Variants in FHDC1 observed in about 807,000 individuals in gnomAD.
The protein encoded by FHDC1 is FH2 domain containing 1, also known as FH2 domain-containing protein 1.
In FHDC1, 25 loss-of-function variants were observed where a neutral mutation model predicts 52.6. The ratio of observed to expected loss-of-function variants is 0.48; its 90% CI spans 0.35 to 0.66. The LOEUF (loss-of-function observed/expected upper bound fraction) is 0.66. FHDC1 is among the 30% of genes least tolerant of loss of function. The pLI is 0.01. For missense variants in FHDC1, 1,459 were observed against 1,452.8 expected, an observed-to-expected ratio of 1.00 and a Z score of -0.07; for synonymous variants, 616 against 581.5, an observed-to-expected ratio of 1.06 and a Z score of -0.85.
chr4:152,937,697 G>A (rs1326887266), intron 1 of FHDC1, among the ~76,000 whole-genome samples: 2 of 151,898 alleles, frequency 1.3e-5, no homozygotes, highest in African/African-American at 4.8e-5. Context: ...GCGCGTGTGG[G>A]CGTCGATCTC....
chr4:152,955,201 C>T (rs1381650250), intron 4 of FHDC1, among the ~76,000 whole-genome samples: 1 of 151,880 alleles, frequency 6.6e-6, no homozygotes, highest in East Asian at 1.9e-4. Flanking sequence ...ACATAATTAA[C>T]TCAAAGGTGG....
intron 1 of FHDC1, among the ~76,000 whole-genome samples, chr4:152,938,340 A>T (rs1195963412): frequency 6.6e-6 from 1 of 151,748 alleles, no homozygotes; most frequent in Non-Finnish European, 1.5e-5. Flanking sequence ...CTTACTGGGA[A>T]CGCGTTGTCC....
At chr4:152,931,121 T>C in the FHDC1 span, among the ~76,000 whole-genome samples, 1 of 152,072 alleles carries the variant, frequency 6.6e-6, no homozygotes, top group African/African-American at 2.4e-5. Context: ...CTTAGAAGGG[T>C]AAACAATTTG....
In FHDC1 at chr4:152,975,947, G is replaced by A; in HGVS notation, c.2656G>A (p.Ala886Thr). The change falls in exon 12 of 12, where the codon GCA (alanine) becomes ACA (threonine). Residue 886 changes from alanine to threonine, a missense_variant. Physicochemically the swap from Ala to Thr is moderately conservative, Grantham distance 58. Coordinates refer to ENST00000511601, the MANE Select transcript of FHDC1 (RefSeq NM_001371116.1). ...CGGGAGCGCCCGGCGGAGCCAGGGGGCAGTGGCCAAGTCTGTGCGGACCCT... is the reference window on the plus strand; with the variant it reads ...CGGGAGCGCCCGGCGGAGCCAGGGGACAGTGGCCAAGTCTGTGCGGACCCT... The part of the protein sequence containing the change: ...KPGSARRSQG[A>T]VAKSVRTLTA... 2.6e-6 allele frequency: 4 copies of A among 1,514,900 alleles called. No individual in the cohort carries two copies. Among genetic ancestry groups the A allele is most frequent in the Non-Finnish European group, 2.6e-6 (3 of 1,133,868 alleles). 93.8% of individuals were successfully genotyped at this position (1,514,900 alleles called of 1,614,324 possible).
the FHDC1 span, among the ~76,000 whole-genome samples, chr4:152,926,781 T>C: frequency 5.5e-3 from 833 of 150,658 alleles, 8 homozygotes; most frequent in African/African-American, 0.019. Flanking sequence ...TCAAGGCTGA[T>C]AGAGTTGGTC....
At chr4:152,925,638 A>G in the FHDC1 span, among the ~76,000 whole-genome samples, 1 of 152,166 alleles carries the variant, frequency 6.6e-6, no homozygotes, top group African/African-American at 2.4e-5. Flanking sequence ...GACTGAGCCC[A>G]CACTGAATCC....
the FHDC1 span, among the ~76,000 whole-genome samples, chr4:152,916,418 A>G: frequency 6.6e-6 from 1 of 152,172 alleles, no homozygotes; most frequent in Non-Finnish European, 1.5e-5. Flanking sequence ...ATTCATATGT[A>G]TTCACATATA....
In FHDC1 at chr4:152,972,360, C is replaced by T. The variant is rs566156448; in HGVS notation, c.1219-17C>T. On this transcript the variant is annotated splice_polypyrimidine_tract_variant and intron_variant, in intron 10 of 11. Transcript: ENST00000511601. ...GACAACGTTTACCTCAGTGTGTGTT[C>T]GTTTGTTTTTCCGCAGTTTGCCATA... 5.5e-5 allele frequency: 88 copies of T among 1,590,582 alleles called. No individual in the cohort carries two copies. The South Asian group carries it at 6.4e-4, about 12-fold the overall frequency.
rs1579107325 is a variant in FHDC1 at position 152,975,273 on chromosome 4, C to T, written c.1982C>T (p.Pro661Leu). The stretch of plus-strand genomic sequence containing the variant: ...GTGAGCCTGGGCTCAGCACAGTCCC[C>T]TCCTCTCTCGCCATTGGCTCTGGGA... ...EPVSLGSAQS[P>L]PLSPLALGIK... The change falls in exon 12 of 12, where the codon CCT becomes CTT. Residue 661 changes from proline (P) to leucine (L), a missense_variant. Physicochemically the swap from Pro to Leu is moderately conservative, Grantham distance 98. Around this residue, in one of 3 missense-constraint regions of FHDC1, gnomAD observed 939 missense variants for 854.5 expected, o/e 1.10. Coordinates refer to ENST00000511601, the MANE Select transcript of FHDC1 (RefSeq NM_001371116.1). 2 of 1,613,560 alleles carry T rather than the reference C, an allele frequency of 1.2e-6. No individual in the cohort carries two copies. Among genetic ancestry groups the T allele is most frequent in the East Asian group, 2.2e-5 (1 of 44,878 alleles).
chr4:152,922,224 A>C, the FHDC1 span, among the ~76,000 whole-genome samples: 15 of 152,210 alleles, frequency 9.9e-5, no homozygotes, highest in Non-Finnish European at 4.4e-5. Context: ...GAATACTACA[A>C]ACACCTCTAC....
chr4:152,924,078 A>C, the FHDC1 span, among the ~76,000 whole-genome samples: 2 of 150,802 alleles, frequency 1.3e-5, no homozygotes, highest in East Asian at 3.9e-4. Flanking sequence ...GCAACCTACA[A>C]AATGGGAGAA....
chr4:152,973,100 C>A (rs1460827690), intron 11 of FHDC1, among the ~76,000 whole-genome samples: 2 of 152,222 alleles, frequency 1.3e-5, no homozygotes, highest in Non-Finnish European at 2.9e-5. Flanking sequence ...AGACAGCTAC[C>A]TTTCTTGCCC....
chr4:152,965,102 T>C (rs934501290), intron 9 of FHDC1, 127 bp downstream of exon 9: 30 of 848,786 alleles, frequency 3.5e-5, no homozygotes, highest in Admixed American at 2.6e-4. Context: ...CAGACTGTCC[T>C]TCATTTGCTT....
Position 152,943,139 on chromosome 4 carries a change from C to G in FHDC1, c.82C>G (p.Gln28Glu), listed in dbSNP as rs904564676. The stretch of plus-strand genomic sequence containing the variant: ...CACAGCACCTGGATTCATGATTGGG[C>G]AGACACCTCCTCCAGCACCTCCTCC... ...IATAPGFMIGQTPPPAPPPPP... is the reference protein window; with the variant it reads ...IATAPGFMIGETPPPAPPPPP... Residue 28 changes from glutamine to glutamate, a missense_variant, in exon 2 of 12, where the codon CAG becomes GAG. Transcript: ENST00000511601. 1 of 1,613,982 alleles carries G rather than the reference C, an allele frequency of 6.2e-7. No homozygotes were observed. Among genetic ancestry groups the G allele is most frequent in the Admixed American group, 1.7e-5 (1 of 60,000 alleles).
the FHDC1 span, among the ~76,000 whole-genome samples, chr4:152,925,871 A>AGGAGAAGGAGGAGGAGGAGGAGGAG: frequency 1.8e-5 from 1 of 55,788 alleles, no homozygotes; most frequent in African/African-American, 4.6e-5. Flanking sequence ...GAGAAGAAGG[A>AGGAGAAGGAGGAGGAGGAGGAGGAG]GGAGAAGGAG....
At position 152,964,928 on chromosome 4, in the gene FHDC1, T is replaced by C. The variant is rs765944594; in HGVS notation, c.1053T>C (p.Ile351=). The part of the protein sequence containing the change: ...VAQEAQKKDT[I]LLNFSEKLHH... ...AGGAAGCCCAAAAGAAAGATACCATTCTTCTAAACTTTTCAGAAAAATTGC... is the reference window on the plus strand; with the variant it reads ...AGGAAGCCCAAAAGAAAGATACCATCCTTCTAAACTTTTCAGAAAAATTGC... The change falls in exon 9 of 12, where the codon ATT becomes ATC. Residue 351 remains isoleucine (I), a synonymous_variant. Coordinates refer to ENST00000511601, the MANE Select transcript of FHDC1 (RefSeq NM_001371116.1). The C allele has an allele frequency of 6.2e-7, 1 of 1,612,260 alleles. No homozygotes were observed. The highest frequency in any genetic ancestry group is 1.7e-5 in the Admixed American group (1 of 59,744).
Position 152,972,440 on chromosome 4 carries a change from A to G in FHDC1, c.1282A>G (p.Thr428Ala), listed in dbSNP as rs767440877. Reference sequence around the variant, plus strand: ...ACAAGAGCTCCAGGATGAGGCCTACACCCTTATAGATTTTTTCTGTGAAGA... The same window carrying G: ...ACAAGAGCTCCAGGATGAGGCCTACGCCCTTATAGATTTTTTCTGTGAAGA... ...WKQELQDEAY[T>A]LIDFFCEDKK... The change falls in exon 11 of 12, where the codon ACC becomes GCC. Residue 428 changes from threonine (T) to alanine (A), a missense_variant. By Grantham distance (58) the Thr-to-Ala change is moderately conservative. Coordinates refer to ENST00000511601, the MANE Select transcript of FHDC1 (RefSeq NM_001371116.1). The G allele has an allele frequency of 1.2e-6, 2 of 1,613,886 alleles. No individual in the cohort carries two copies. Among genetic ancestry groups the G allele is most frequent in the Admixed American group, 1.7e-5 (1 of 59,980 alleles).
chr4:152,941,738 C>G (rs568755911), intron 1 of FHDC1, among the ~76,000 whole-genome samples: 13 of 152,252 alleles, frequency 8.5e-5, no homozygotes, highest in African/African-American at 2.6e-4. Context: ...TCTGTGTAGT[C>G]TAAAATTATT....
At chr4:152,974,545 C>T in intron 11 of FHDC1, 130 bp from the exon 12 acceptor site, 1 of 1,356,082 alleles carries the variant, frequency 7.4e-7, no homozygotes, top group Non-Finnish European at 9.7e-7. Context: ...GCCTCTTTCT[C>T]AGTGTAAGAC....
Sources: gnomAD v4.1 joint callset for allele counts (sites outside exome capture counted in the v4.1 genomes callset) on GRCh38, gnomAD v4.1.1 for gene constraint, gnomAD v4.1.1 regional missense constraint, MANE v1.5 for transcripts, NCBI Gene and HGNC (gene_info 2026-07-23, HGNC 2026-07-21) for gene names.